FOXP2: variants seen among roughly 807,000 people sequenced by gnomAD.
The protein encoded by FOXP2 is forkhead box protein P2.
In FOXP2, 12 loss-of-function variants were observed where a neutral mutation model predicts 115.8. The observed-to-expected ratio is 0.10, with a 90% CI of 0.07 to 0.17. The LOEUF is 0.17. FOXP2 is among the 10% of genes least tolerant of loss of function. The pLI, the probability that FOXP2 is intolerant of heterozygous loss-of-function variation, is 1.00. For missense variants in FOXP2, 629 were observed against 843.5 expected, an observed-to-expected ratio of 0.75 and a Z score of 3.15; for synonymous variants, 328 against 297.7, an observed-to-expected ratio of 1.10 and a Z score of -1.05.
intron 1 of FOXP2, among the ~76,000 whole-genome samples, chr7:114,154,301 A>G: frequency 6.6e-6 from 1 of 152,086 alleles, no homozygotes; most frequent in African/African-American, 2.4e-5. Context: ...ACTGTTGTCC[A>G]AACTCAATTG....
chr7:114,313,963 C>T (rs1469237663), intron 2 of FOXP2, among the ~76,000 whole-genome samples: 1 of 151,670 alleles, frequency 6.6e-6, no homozygotes, highest in Non-Finnish European at 1.5e-5. Context: ...GTGGTTTATA[C>T]ATTAATTTAG....
At chr7:114,334,506 T>C (rs1797792915) in intron 2 of FOXP2, among the ~76,000 whole-genome samples, 1 of 151,902 alleles carries the variant, frequency 6.6e-6, no homozygotes, top group African/African-American at 2.4e-5. Context: ...TTAACATAGT[T>C]TCCAAAGATG....
At chr7:114,160,806 G>T (rs1792807162), upstream of FOXP2, among the ~76,000 whole-genome samples, 1 of 151,718 alleles carries the variant, frequency 6.6e-6, no homozygotes, top group Non-Finnish European at 1.5e-5. Context: ...GTGTGTGTGT[G>T]TGTGAGTAGT....
chr7:114,540,427 C>T (rs906476427), intron 3 of FOXP2, among the ~76,000 whole-genome samples: 2 of 151,832 alleles, frequency 1.3e-5, no homozygotes, highest in African/African-American at 4.8e-5. Flanking sequence ...GGAGATTGTG[C>T]TGAGTGGAGC....
At chr7:114,379,955 T>C (rs1164718532) in intron 2 of FOXP2, among the ~76,000 whole-genome samples, 1 of 152,202 alleles carries the variant, frequency 6.6e-6, no homozygotes, top group Non-Finnish European at 1.5e-5. Context: ...AAGTATGTCC[T>C]CATGAGGTTC....
intron 3 of FOXP2, among the ~76,000 whole-genome samples, chr7:114,576,400 T>A (rs1563010081): frequency 6.6e-6 from 1 of 151,842 alleles, no homozygotes; most frequent in African/African-American, 2.4e-5. Flanking sequence ...ATTGTAATAT[T>A]TGAGATTCCC....
At chr7:114,135,249 A>G (rs1792008739) in intron 1 of FOXP2, among the ~76,000 whole-genome samples, 1 of 152,326 alleles carries the variant, frequency 6.6e-6, no homozygotes, top group Middle Eastern at 3.4e-3. Context: ...AAATTTACTT[A>G]TGACAGAAGC....
chr7:114,559,031 C>G (rs1214110531), intron 3 of FOXP2, among the ~76,000 whole-genome samples: 1 of 145,574 alleles, frequency 6.9e-6, no homozygotes, highest in East Asian at 1.9e-4. Context: ...ATCCAGCTAC[C>G]TATTTTTTTT....
chr7:114,218,190 G>A (rs781068036), intron 1 of FOXP2, among the ~76,000 whole-genome samples: 5 of 152,134 alleles, frequency 3.3e-5, no homozygotes, highest in Non-Finnish European at 4.4e-5. Context: ...ACTTGCCGAT[G>A]TACTATTAGT....
chr7:114,264,024 C>G (rs2129171720), intron 1 of FOXP2, among the ~76,000 whole-genome samples: 1 of 152,162 alleles, frequency 6.6e-6, no homozygotes, highest in African/African-American at 2.4e-5. Context: ...CTTCCTTACT[C>G]TCACCTTTTT....
At chr7:114,622,380 T>C (rs1291412234) in intron 3 of FOXP2, among the ~76,000 whole-genome samples, 3 of 151,896 alleles carry the variant, frequency 2.0e-5, no homozygotes. Flanking sequence ...TGTAAATGAA[T>C]GTGTGTGTAA....
intron 16 of FOXP2, among the ~76,000 whole-genome samples, chr7:114,674,815 T>C (rs1459871305): frequency 1.3e-5 from 2 of 152,262 alleles, no homozygotes; most frequent in Admixed American, 1.3e-4. Flanking sequence ...GAAAGCCTGG[T>C]TTATTCTTTC....
chr7:114,315,237 A>T (rs139289267), intron 2 of FOXP2, among the ~76,000 whole-genome samples: 2 of 152,336 alleles, frequency 1.3e-5, no homozygotes, highest in East Asian at 3.9e-4. Context: ...TCATTAAACA[A>T]GAAAATGATT....
intron 1 of FOXP2, among the ~76,000 whole-genome samples, chr7:114,201,999 C>G (rs1469107874): frequency 6.6e-6 from 1 of 151,788 alleles, no homozygotes; most frequent in Non-Finnish European, 1.5e-5. Flanking sequence ...TGCCTTTTCT[C>G]TGTTTATAGA....
chr7:114,185,508 A>G (rs1266292340), intron 1 of FOXP2, among the ~76,000 whole-genome samples: 2 of 152,208 alleles, frequency 1.3e-5, no homozygotes, highest in Non-Finnish European at 2.9e-5. Context: ...AGTGCCTGGA[A>G]CATAGTAATT....
At chr7:114,665,843 C>T (rs1161654575) in intron 16 of FOXP2, 1 of 152,090 alleles carries the variant, frequency 6.6e-6, no homozygotes, top group Non-Finnish European at 1.5e-5. Context: ...TTTATCCTAT[C>T]AGCCATGCAG....
intron 3 of FOXP2, among the ~76,000 whole-genome samples, chr7:114,618,921 C>G (rs1186890406): frequency 6.6e-6 from 1 of 152,094 alleles, no homozygotes; most frequent in Non-Finnish European, 1.5e-5. Context: ...TGAGTGGTTA[C>G]TGTGTGTTAT....
At chr7:114,297,976 T>C (rs1278730622) in intron 2 of FOXP2, among the ~76,000 whole-genome samples, 1 of 152,210 alleles carries the variant, frequency 6.6e-6, no homozygotes, top group Non-Finnish European at 1.5e-5. Context: ...TTCCTTCTGA[T>C]TGATCAGTAA....
chr7:114,561,873 T>A (rs1364006550), intron 3 of FOXP2, among the ~76,000 whole-genome samples: 1 of 152,130 alleles, frequency 6.6e-6, no homozygotes, highest in Non-Finnish European at 1.5e-5. Context: ...TACAACAGCT[T>A]CTAACTCCTG....
Sources: gnomAD v4.1 joint callset for allele counts (sites outside exome capture counted in the v4.1 genomes callset) on GRCh38, gnomAD v4.1.1 for gene constraint, MANE v1.5 for transcripts, NCBI Gene and HGNC (gene_info 2026-07-23, HGNC 2026-07-21) for gene names.